ZNF354C: variants seen among roughly 807,000 people sequenced by gnomAD.
The protein encoded by ZNF354C is KRAB-zinc finger protein synten.
In ZNF354C, 7 loss-of-function variants were observed where a neutral mutation model predicts 12.4. That is an observed-to-expected ratio of 0.56 (90% confidence interval 0.32 to 1.06). ZNF354C has a LOEUF of 1.06. ZNF354C is among the 50% of genes least tolerant of loss of function. The pLI, the probability that ZNF354C is intolerant of heterozygous loss-of-function variation, is 0.04. For synonymous variants in ZNF354C, 202 were observed against 224.5 expected, an observed-to-expected ratio of 0.90 and a Z score of 0.90; for missense variants, 609 against 658.0, an observed-to-expected ratio of 0.93 and a Z score of 0.81.
rs535778033 is a variant in ZNF354C, at chr5:179,074,948, C to CT, written c.28-1496dup. Among the ~76,000 whole-genome samples the CT allele has an allele frequency of 7.2e-5, 11 of 152,230 alleles. No homozygotes were observed. In the South Asian group the frequency reaches 2.1e-3, roughly 29 times the overall value. On this transcript the variant is annotated intron_variant, in intron 2 of 4. Transcript: ENST00000315475. Reference sequence around the variant, plus strand: ...CCACTAAAAATACAAAGAGGTCTAACTACAAAGTCAACATATAAGTTAAAA... The same window carrying CT: ...CCACTAAAAATACAAAGAGGTCTAACTTACAAAGTCAACATATAAGTTAAAA...
chr5:179,080,421 G>A lies in ZNF354C; in HGVS notation c.*324G>A, dbSNP rs1762211473. 1 of 160,700 alleles carries A rather than the reference G, an allele frequency of 6.2e-6. No individual in the cohort carries two copies. Among genetic ancestry groups the A allele is most frequent in the Non-Finnish European group, 1.3e-5 (1 of 74,162 alleles). The allele number at this position is 160,700 out of a possible 1,614,324, so 10.0% of individuals were successfully genotyped here. On this transcript the variant is annotated 3_prime_UTR_variant, in exon 5 of 5. Coordinates refer to ENST00000315475, the MANE Select transcript of ZNF354C (RefSeq NM_014594.3). ...GACCATATTCCCTTTAAAAGAGTAAGCTTCAATATGTGAATTTTCTTTTAA... is the reference window on the plus strand; with the variant it reads ...GACCATATTCCCTTTAAAAGAGTAAACTTCAATATGTGAATTTTCTTTTAA...
chr5:179,078,863 G>A lies in ZNF354C; in HGVS notation c.431G>A (p.Arg144Lys). The A allele has an allele frequency of 6.2e-7, 1 of 1,614,096 alleles. No individual in the cohort carries two copies. The highest frequency in any genetic ancestry group is 8.5e-7 in the Non-Finnish European group (1 of 1,179,998). Reference sequence around the variant, plus strand: ...GAAGAGCAAGAGAAGAAACCTCTTAGACAAATGATAGATTCGCATGAGAAA... The same window carrying A: ...GAAGAGCAAGAGAAGAAACCTCTTAAACAAATGATAGATTCGCATGAGAAA... ...IEEEQEKKPL[R>K]QMIDSHEKTI... Residue 144 changes from arginine to lysine, a missense_variant, in exon 5 of 5, where the codon AGA becomes AAA. Coordinates refer to ENST00000315475, the MANE Select transcript of ZNF354C (RefSeq NM_014594.3).
Position 179,080,100 on chromosome 5 carries a change from C to T in ZNF354C, c.*3C>T. On this transcript the variant is annotated 3_prime_UTR_variant, in exon 5 of 5. Transcript: ENST00000315475. ...GAGATAAAGCCTATGAGGTTTAGTT[C>T]ATCTCTCAAATAATCCAAGACTTCT... 2 of 1,538,242 alleles carry T rather than the reference C, an allele frequency of 1.3e-6. No homozygotes were observed. Among genetic ancestry groups the T allele is most frequent in the Non-Finnish European group, 1.7e-6 (2 of 1,145,054 alleles).
At chr5:179,064,198 C>T (rs1424316232) in intron 2 of ZNF354C, among the ~76,000 whole-genome samples, 2 of 152,146 alleles carry the variant, frequency 1.3e-5, no homozygotes, top group African/African-American at 4.8e-5. Context: ...GAAGGGGTGA[C>T]AGCTGATTCA....
At chr5:179,065,024 GT>G (rs1217364656) in intron 2 of ZNF354C, among the ~76,000 whole-genome samples, 1 of 152,058 alleles carries the variant, frequency 6.6e-6, no homozygotes, top group African/African-American at 2.4e-5. Context: ...TTTTTCTGCA[GT>G]AAATAAGTAC....
intron 2 of ZNF354C, among the ~76,000 whole-genome samples, chr5:179,070,255 T>G (rs1037219803): frequency 7.2e-5 from 11 of 152,292 alleles, no homozygotes; most frequent in African/African-American, 2.4e-4. Flanking sequence ...AGTTTTATCC[T>G]GAGACCATTC....
chr5:179,062,017 C>G lies in ZNF354C; in HGVS notation c.-52C>G. The G allele has an allele frequency of 1.2e-6, 2 of 1,608,956 alleles. No homozygotes were observed. Among genetic ancestry groups the G allele is most frequent in the South Asian group, 1.1e-5 (1 of 90,974 alleles). On this transcript the variant is annotated splice_region_variant and 5_prime_UTR_variant, in exon 2 of 5. Transcript: ENST00000315475. ...CTTGACACCTTTTTCCTCTGCAGAC[C>G]CACCGTGTCCACACTCTGCTCTCCC...
At chr5:179,076,633 G>T in intron 3 of ZNF354C, 62 bp downstream of exon 3, 1 of 1,591,396 alleles carries the variant, frequency 6.3e-7, no homozygotes, top group South Asian at 1.1e-5. Flanking sequence ...TCCATCTTTG[G>T]GGTTCCGAGC....
At chr5:179,071,496 T>A (rs1241866833) in intron 2 of ZNF354C, among the ~76,000 whole-genome samples, 1 of 151,876 alleles carries the variant, frequency 6.6e-6, no homozygotes, top group African/African-American at 2.4e-5. Context: ...ACACTCTGGA[T>A]AAAATATAAG....
chr5:179,071,190 C>T lies in ZNF354C; in HGVS notation c.28-5255C>T, dbSNP rs1025969540. On this transcript the variant is annotated intron_variant, in intron 2 of 4. Transcript: ENST00000315475. ...TAAATGCCGGCAGGACTCCCTTAGT[C>T]ACTGTGAAAAATGAAACACCCTCAC... Among the ~76,000 whole-genome samples the T allele has an allele frequency of 2.6e-5, 4 of 151,838 alleles. No individual in the cohort carries two copies. The South Asian group carries it at 8.3e-4, about 32-fold the overall frequency.
rs200656131 is a variant in ZNF354C at position 179,079,823 on chromosome 5, G to A, written c.1391G>A (p.Gly464Glu). Residue 464 changes from glycine (G) to glutamate (E), a missense_variant, in exon 5 of 5, where the codon GGA becomes GAA. By Grantham distance (98) the Gly-to-Glu change is moderately conservative (BLOSUM62 -2). Transcript: ENST00000315475. The surrounding 1 kb of genome is among the most constrained non-coding windows in gnomAD (Gnocchi z 4.2). ...NLYRHQRIHTGEKPYQCNQCG... is the reference protein window; with the variant it reads ...NLYRHQRIHTEEKPYQCNQCG... The stretch of plus-strand genomic sequence containing the variant: ...TATAGGCATCAGAGAATTCATACTG[G>A]AGAGAAACCGTATCAGTGTAATCAG... The A allele has an allele frequency of 6.4e-5, 104 of 1,614,110 alleles. No individual in the cohort carries two copies. In the South Asian group the frequency reaches 1.1e-3, roughly 17 times the overall value.
chr5:179,063,311 C>G (rs944831621), intron 2 of ZNF354C, among the ~76,000 whole-genome samples: 1 of 152,220 alleles, frequency 6.6e-6, no homozygotes, highest in Non-Finnish European at 1.5e-5. Context: ...ATAATCCCAG[C>G]ACTTTTGGGA....
intron 2 of ZNF354C, among the ~76,000 whole-genome samples, chr5:179,064,152 G>C (rs1761930357): frequency 2.0e-5 from 3 of 152,192 alleles, no homozygotes; most frequent in Admixed American, 2.0e-4. Context: ...AGGTTTGTTT[G>C]CAACTCAGAG....
Position 179,079,590 on chromosome 5 carries a change from C to G in ZNF354C, c.1158C>G (p.Cys386Trp). The change falls in exon 5 of 5, where the codon TGC (cysteine) becomes TGG (tryptophan). Residue 386 changes from cysteine to tryptophan, a missense_variant. Physicochemically the swap from Cys to Trp is radical, Grantham distance 215. Transcript: ENST00000315475. This position sits in a 1 kb window ranked among gnomAD's most constrained non-coding sequence, Gnocchi z 4.2. ...ATACTGGAGAACAACTGTATACATG[C>G]TTGGAATGTGGGAGAACCTTCACAC... is the stretch of plus-strand genomic sequence containing the variant. The part of the protein sequence containing the change: ...RFHTGEQLYT[C>W]LECGRTFTRI... 6.2e-7 allele frequency: 1 copy of G among 1,614,074 alleles called. No homozygotes were observed. Among genetic ancestry groups the G allele is most frequent in the East Asian group, 2.2e-5 (1 of 44,874 alleles).
At chr5:179,069,935 G>T (rs1312254988) in intron 2 of ZNF354C, among the ~76,000 whole-genome samples, 1 of 152,190 alleles carries the variant, frequency 6.6e-6, no homozygotes, top group African/African-American at 2.4e-5. Flanking sequence ...GTACAGGCTT[G>T]TGACCCAAGC....
intron 4 of ZNF354C, among the ~76,000 whole-genome samples, chr5:179,077,806 C>T (rs909474926): frequency 6.9e-6 from 1 of 144,526 alleles, no homozygotes; most frequent in Non-Finnish European, 1.5e-5. Flanking sequence ...TGTCCCCCCA[C>T]TCCTTTTTTT....
Position 179,061,311 on chromosome 5 carries a change from T to C in ZNF354C, c.-55+645T>C, listed in dbSNP as rs547010251. On this transcript the variant is annotated intron_variant, in intron 1 of 4. Coordinates refer to ENST00000315475, the MANE Select transcript of ZNF354C (RefSeq NM_014594.3). ...GTGGGGCGGGCACGGTTTCCACCTC[T>C]CCCACCTGGGGTTGGTGTTTGGGCA... 9.9e-5 allele frequency among the ~76,000 whole-genome samples: 15 copies of C among 152,236 alleles called. 1 individual carries two copies. In the East Asian group the frequency reaches 2.9e-3, roughly 30 times the overall value.
chr5:179,076,813 A>G (rs1202887757), intron 3 of ZNF354C, among the ~76,000 whole-genome samples: 1 of 152,028 alleles, frequency 6.6e-6, no homozygotes, highest in Non-Finnish European at 1.5e-5. Flanking sequence ...ATGACTAGAG[A>G]TCCCAGTTTA....
rs1762199797 is a variant in ZNF354C at position 179,079,900 on chromosome 5, C to T, written c.1468C>T (p.His490Tyr). 1.9e-6 allele frequency: 3 copies of T among 1,613,710 alleles called. No individual in the cohort carries two copies. The highest frequency in any genetic ancestry group is 2.5e-6 in the Non-Finnish European group (3 of 1,179,894). Reference protein sequence around the residue: ...YSFLTEHERIHTGEKLYKCME... With the variant: ...YSFLTEHERIYTGEKLYKCME... ...ATTTTTAACCGAACATGAGAGGATC[C>T]ACACTGGAGAGAAACTGTATAAATG... The change falls in exon 5 of 5, where the codon CAC (histidine) becomes TAC (tyrosine). Residue 490 changes from histidine (H) to tyrosine (Y), a missense_variant. Transcript: ENST00000315475. This position sits in a 1 kb window ranked among gnomAD's most constrained non-coding sequence, Gnocchi z 4.2.
Sources: gnomAD v4.1 joint callset for allele counts (sites outside exome capture counted in the v4.1 genomes callset) on GRCh38, gnomAD v4.1.1 for gene constraint, Gnocchi (gnomAD v3.1) non-coding constraint, MANE v1.5 for transcripts, NCBI Gene and HGNC (gene_info 2026-07-23, HGNC 2026-07-21) for gene names.